Variants in VPS8 observed in about 807,000 individuals in gnomAD.
VPS8 encodes the protein VPS8 subunit of CORVET complex, also known as vacuolar protein sorting-associated protein 8 homolog.
VPS8 carries 129 observed loss-of-function variants against 216.4 expected under a neutral mutation model. The ratio of observed to expected loss-of-function variants is 0.60; its 90% CI spans 0.52 to 0.69. VPS8 has a LOEUF of 0.69. Ranked by LOEUF, VPS8 falls within the 30% of genes least tolerant of loss-of-function variation. VPS8 has a pLI of 0.00. For synonymous variants in VPS8, 571 were observed against 565.4 expected, an observed-to-expected ratio of 1.01 and a Z score of -0.14; for missense variants, 1,531 against 1,683.5, an observed-to-expected ratio of 0.91 and a Z score of 1.59.
intron 45 of VPS8, among the ~76,000 whole-genome samples, chr3:185,016,942 A>T (rs1461186410): frequency 6.6e-5 from 10 of 152,022 alleles, no homozygotes; most frequent in Non-Finnish European, 1.3e-4. Flanking sequence ...CAGAAATGAT[A>T]TCCTAAACTT....
At chr3:184,879,094 A>T (rs1002119703) in intron 21 of VPS8, among the ~76,000 whole-genome samples, 1 of 152,202 alleles carries the variant, frequency 6.6e-6, no homozygotes, top group African/African-American at 2.4e-5. Context: ...AAATCATCCC[A>T]TGAAATAGGG....
At position 185,052,039 on chromosome 3, in the gene VPS8, C is replaced by T. The variant is rs1252845653; in HGVS notation, c.*14C>T. The T allele has an allele frequency of 1.9e-6, 3 of 1,605,254 alleles. No individual in the cohort carries two copies. Among genetic ancestry groups the T allele is most frequent in the Admixed American group, 1.7e-5 (1 of 59,152 alleles). On this transcript the variant is annotated 3_prime_UTR_variant, in exon 48 of 48. Transcript: ENST00000625842. ...ACTGAGGATTGATGACTCCATGGAG[C>T]CTGGCCCAGGAGAACCAGAGATGAT...
chr3:184,853,818 T>C, intron 11 of VPS8, 39 bp from the exon 12 acceptor site: 2 of 1,550,558 alleles, frequency 1.3e-6, no homozygotes, highest in Non-Finnish European at 1.7e-6. Flanking sequence ...CCTTGGATCA[T>C]TGCTAAATTG....
intron 24 of VPS8, among the ~76,000 whole-genome samples, 154 bp downstream of exon 24, chr3:184,898,808 TTAGA>T (rs1733973802): frequency 6.6e-6 from 1 of 152,186 alleles, no homozygotes. Flanking sequence ...CTTGGGGCTT[TTAGA>T]TAGTCTTCAA....
chr3:185,039,083 C>T (rs1759291347), intron 46 of VPS8, among the ~76,000 whole-genome samples: 1 of 152,204 alleles, frequency 6.6e-6, no homozygotes, highest in Non-Finnish European at 1.5e-5. Flanking sequence ...TAAAGAGAGC[C>T]TGCTGTTCTT....
At chr3:184,839,191 A>G (rs1721661350) in intron 6 of VPS8, 2 of 176,560 alleles carry the variant, frequency 1.1e-5, no homozygotes, top group Admixed American at 6.1e-5. Flanking sequence ...TATTGAAAGC[A>G]CGCTGGTACT....
chr3:184,937,697 A>C (rs1297366020), intron 35 of VPS8, among the ~76,000 whole-genome samples: 3 of 152,296 alleles, frequency 2.0e-5, no homozygotes, highest in Middle Eastern at 3.4e-3. Context: ...AGACTTGGGC[A>C]GGGCTTTCTT....
At chr3:185,041,328 G>C (rs779683557) in intron 46 of VPS8, among the ~76,000 whole-genome samples, 11 of 151,982 alleles carry the variant, frequency 7.2e-5, no homozygotes, top group Non-Finnish European at 1.6e-4. Flanking sequence ...TTTTGCGCTT[G>C]TTAATATGAC....
chr3:185,013,603 A>G (rs1430218656), intron 45 of VPS8, among the ~76,000 whole-genome samples: 1 of 152,168 alleles, frequency 6.6e-6, no homozygotes, highest in African/African-American at 2.4e-5. Context: ...GTCCTTCTAG[A>G]TGCTTTTTTA....
intron 46 of VPS8, among the ~76,000 whole-genome samples, chr3:185,027,812 G>A (rs6782441): frequency 0.011 from 1,660 of 152,268 alleles, 31 homozygotes; most frequent in African/African-American, 0.037. Context: ...CAGGCAAACA[G>A]AAGCTTCCTA....
At chr3:184,819,608 A>G (rs1278435462) in intron 1 of VPS8, among the ~76,000 whole-genome samples, 2 of 152,238 alleles carry the variant, frequency 1.3e-5, no homozygotes, top group Non-Finnish European at 2.9e-5. Context: ...TAATAAACAC[A>G]TGGGCAACAC....
rs775596256 is a variant in VPS8, at chr3:185,051,969, T to C, written c.4231T>C (p.Phe1411Leu). ...GAGTGCTCCTGCTTTCAACAGCATC[T>C]TCCAGAATGAGAACTTCCAGCTGCA... The part of the protein sequence containing the change: ...SQSAPAFNSI[F>L]QNENFQLQLI... Residue 1411 changes from phenylalanine (F) to leucine (L), a missense_variant, in exon 48 of 48, where the codon TTC becomes CTC. Coordinates refer to ENST00000625842, the MANE Select transcript of VPS8 (RefSeq NM_001009921.3). The C allele has an allele frequency of 6.2e-7, 1 of 1,612,996 alleles. No individual in the cohort carries two copies. The highest frequency in any genetic ancestry group is 1.3e-5 in the African/African-American group (1 of 74,936).
chr3:185,051,673 G>C (rs942273728), intron 47 of VPS8, among the ~76,000 whole-genome samples: 1 of 152,168 alleles, frequency 6.6e-6, no homozygotes, highest in African/African-American at 2.4e-5. Context: ...ATTGAATGAG[G>C]AAATTTAGAC....
At chr3:185,042,245 A>G (rs1397726614) in intron 46 of VPS8, among the ~76,000 whole-genome samples, 6 of 152,092 alleles carry the variant, frequency 3.9e-5, no homozygotes, top group African/African-American at 1.2e-4. Context: ...GAGACTTTTG[A>G]GGTTTTTTTC....
chr3:184,904,367 A>G (rs1415353373), intron 25 of VPS8, among the ~76,000 whole-genome samples: 6 of 152,212 alleles, frequency 3.9e-5, no homozygotes, highest in African/African-American at 1.4e-4. Flanking sequence ...TAGCCATTTG[A>G]TGAAGTTTTC....
chr3:185,012,946 A>G (rs1220826963), intron 45 of VPS8, among the ~76,000 whole-genome samples: 1 of 149,024 alleles, frequency 6.7e-6, no homozygotes, highest in East Asian at 1.9e-4. Flanking sequence ...TCTATAGATT[A>G]TAGATTAGCT....
chr3:184,974,756 G>A (rs1479049651), intron 40 of VPS8, among the ~76,000 whole-genome samples: 1 of 152,058 alleles, frequency 6.6e-6, no homozygotes, highest in African/African-American at 2.4e-5. Context: ...TAAGAGTCTA[G>A]TTTCATTCTT....
chr3:185,042,923 A>C (rs1220658508), intron 46 of VPS8, among the ~76,000 whole-genome samples: 1 of 152,100 alleles, frequency 6.6e-6, no homozygotes, highest in African/African-American at 2.4e-5. Context: ...AAGACTTTAA[A>C]CCAATTGGGG....
chr3:184,936,947 C>G (rs750191760), intron 35 of VPS8, among the ~76,000 whole-genome samples: 33 of 152,170 alleles, frequency 2.2e-4, no homozygotes, highest in Admixed American at 1.5e-3. Context: ...ACCATGTTAC[C>G]AGGTTGGTCT....
Sources: gnomAD v4.1 joint callset for allele counts (sites outside exome capture counted in the v4.1 genomes callset) on GRCh38, gnomAD v4.1.1 for gene constraint, MANE v1.5 for transcripts, NCBI Gene and HGNC (gene_info 2026-07-23, HGNC 2026-07-21) for gene names.